MAP4K5: variants seen among roughly 807,000 people sequenced by gnomAD.
MAP4K5 encodes the protein mitogen-activated protein kinase kinase kinase kinase 5.
In MAP4K5, 82 loss-of-function variants were observed where a neutral mutation model predicts 135.6. The ratio of observed to expected loss-of-function variants is 0.60; its 90% CI spans 0.51 to 0.73. MAP4K5 has a LOEUF of 0.73. MAP4K5 is among the 30% of genes least tolerant of loss of function. The pLI, the probability that MAP4K5 is intolerant of heterozygous loss-of-function variation, is 0.00. For synonymous variants in MAP4K5, 347 were observed against 335.0 expected, an observed-to-expected ratio of 1.04 and a Z score of -0.39; for missense variants, 907 against 1,010.9, an observed-to-expected ratio of 0.90 and a Z score of 1.39.
At chr14:50,516,819 C>T (rs960782499) in intron 2 of MAP4K5, among the ~76,000 whole-genome samples, 14 of 152,170 alleles carry the variant, frequency 9.2e-5, no homozygotes, top group South Asian at 2.1e-4. Flanking sequence ...ACTGACTTAA[C>T]CTACTCCTTC....
intron 28 of MAP4K5, among the ~76,000 whole-genome samples, chr14:50,432,632 G>A (rs2035999038): frequency 6.6e-6 from 1 of 150,456 alleles, no homozygotes; most frequent in Admixed American, 6.6e-5. Context: ...AGGACTCACT[G>A]AACTCTTGCC....
At chr14:50,460,062 A>G (rs1341114346) in intron 13 of MAP4K5, among the ~76,000 whole-genome samples, 5 of 152,022 alleles carry the variant, frequency 3.3e-5, no homozygotes, top group Non-Finnish European at 5.9e-5. Context: ...GCTTTCAAAC[A>G]TGTTATTAAC....
intron 2 of MAP4K5, among the ~76,000 whole-genome samples, chr14:50,519,867 C>T (rs1395543114): frequency 6.6e-6 from 1 of 152,018 alleles, no homozygotes; most frequent in Non-Finnish European, 1.5e-5. Flanking sequence ...TGGTAAAGGA[C>T]CCAAACATCT....
rs943496535 is a variant in MAP4K5, at chr14:50,436,281, G to A, written c.1882+1195C>T. ...TAACCTCACCCAAAAAAGAGGTCTG[G>A]TCTCTGTCCTGCTTCTGGGAGGTAA... On this transcript the variant is annotated intron_variant, in intron 26 of 32. Coordinates refer to ENST00000682126, the MANE Select transcript of MAP4K5 (RefSeq NM_006575.6). Among the ~76,000 whole-genome samples the A allele has an allele frequency of 7.9e-5, 12 of 152,240 alleles. 1 individual carries two copies. The highest frequency in any genetic ancestry group is 7.9e-4 in the Admixed American group (12 of 15,278).
At position 50,485,154 on chromosome 14, in the gene MAP4K5, A is replaced by T. The variant is rs574396741; in HGVS notation, c.322+424T>A. ...ATGAATACTAAATAAAATACTCGAAACTTTAAAACATACATATTAATACAA... is the reference window on the plus strand; with the variant it reads ...ATGAATACTAAATAAAATACTCGAATCTTTAAAACATACATATTAATACAA... On this transcript the variant is annotated intron_variant, in intron 5 of 32. Transcript: ENST00000682126. 3.5e-4 allele frequency among the ~76,000 whole-genome samples: 54 copies of T among 152,280 alleles called. 1 individual carries two copies. The Middle Eastern group carries it at 0.027, about 77-fold the overall frequency.
intron 3 of MAP4K5, among the ~76,000 whole-genome samples, chr14:50,496,178 T>C (rs2037587599): frequency 6.6e-6 from 1 of 151,430 alleles, no homozygotes; most frequent in African/African-American, 2.4e-5. Context: ...CATAAAAAAT[T>C]AGTCGGGTGT....
Position 50,532,395 on chromosome 14 carries a change from C to G in MAP4K5, c.-110+53G>C, listed in dbSNP as rs4901042. The G allele has an allele frequency of 0.96, 222,047 of 231,832 alleles. 107,070 individuals carry two copies. The highest frequency in any genetic ancestry group is 1 in the East Asian group (9,514 of 9,514). The allele number at this position is 231,832 out of a possible 1,614,324, so 14.4% of individuals were successfully genotyped here. A position where few individuals can be genotyped will look rare whatever the true frequency, so the allele number is the denominator to read the frequency against. The stretch of plus-strand genomic sequence containing the variant: ...GCCAGCCGGGGCCCAGGGCCGGCTC[C>G]GTACCTAATGGGGGCGGCCCCGTCT... On this transcript the variant is annotated intron_variant, in intron 1 of 32. Coordinates refer to ENST00000682126, the MANE Select transcript of MAP4K5 (RefSeq NM_006575.6).
intron 3 of MAP4K5, among the ~76,000 whole-genome samples, chr14:50,490,159 G>GTGTGTGTGTGTGTTTGTA (rs71441284): frequency 7.3e-6 from 1 of 137,922 alleles, no homozygotes; most frequent in African/African-American, 2.7e-5. Context: ...GTGTGTGTGT[G>GTGTGTGTGTGTGTTTGTA]TAAGGGAACT....
At position 50,462,777 on chromosome 14, in the gene MAP4K5, G is replaced by C. The variant is rs1209887835; in HGVS notation, c.824C>G (p.Thr275Ser). 6.3e-7 allele frequency: 1 copy of C among 1,599,972 alleles called. No homozygotes were observed. The highest frequency in any genetic ancestry group is 8.6e-7 in the Non-Finnish European group (1 of 1,168,434). Reference protein sequence around the residue: ...RPTAERLLTHTFVAQPGLSRA... With the variant: ...RPTAERLLTHSFVAQPGLSRA... ...AGAGAGACCTGGCTGTGCAACAAAA[G>C]TGTGCTAAAAGACAACAAAATGAAA... Residue 275 changes from threonine (T) to serine (S), a missense_variant, in exon 13 of 33, where the codon ACT (threonine) becomes AGT (serine). Transcript: ENST00000682126.
intron 26 of MAP4K5, among the ~76,000 whole-genome samples, chr14:50,435,565 TCTCA>T (rs1420825983): frequency 2.0e-5 from 3 of 151,068 alleles, no homozygotes; most frequent in African/African-American, 7.3e-5. Context: ...AGAGATGGGG[TCTCA>T]CTATGTTTCC....
intron 3 of MAP4K5, among the ~76,000 whole-genome samples, chr14:50,496,800 A>G (rs2139986424): frequency 1.3e-5 from 2 of 152,092 alleles, no homozygotes; most frequent in South Asian, 4.1e-4. Flanking sequence ...GGTGTGAACC[A>G]CCGCTCCCAG....
intron 1 of MAP4K5, among the ~76,000 whole-genome samples, chr14:50,545,418 G>T (rs1304372858): frequency 6.6e-6 from 1 of 152,170 alleles, no homozygotes; most frequent in Non-Finnish European, 1.5e-5. Context: ...ATTCAGGAAG[G>T]GGTGTCTGCA....
chr14:50,534,947 T>C (rs1381890141), upstream of MAP4K5, among the ~76,000 whole-genome samples: 1 of 152,234 alleles, frequency 6.6e-6, no homozygotes, highest in African/African-American at 2.4e-5. Flanking sequence ...GGTTGAAGTT[T>C]ATGTAATAAT....
Position 50,440,044 on chromosome 14 carries a change from A to G in MAP4K5, c.1674T>C (p.Tyr558=), listed in dbSNP as rs1160862285. Reference sequence around the variant, plus strand: ...ATGACATTAAAGTATTATTGATAACATACAGCCAAGTACACTTCCGTGGAA... The same window carrying G: ...ATGACATTAAAGTATTATTGATAACGTACAGCCAAGTACACTTCCGTGGAA... ...QLFPRKCTWL[Y]VINNTLMSLS... Residue 558 remains tyrosine (Y), a synonymous_variant, in exon 23 of 33, where the codon TAT becomes TAC. Coordinates refer to ENST00000682126, the MANE Select transcript of MAP4K5 (RefSeq NM_006575.6). 1.3e-6 allele frequency: 2 copies of G among 1,550,834 alleles called. No individual in the cohort carries two copies. Among genetic ancestry groups the G allele is most frequent in the African/African-American group, 2.7e-5 (2 of 72,874 alleles).
intron 32 of MAP4K5, among the ~76,000 whole-genome samples, chr14:50,421,074 T>C (rs566613862): frequency 6.6e-6 from 1 of 152,258 alleles, no homozygotes; most frequent in African/African-American, 2.4e-5. Context: ...ATTACTTTAA[T>C]AATGAAAACA....
intron 6 of MAP4K5, among the ~76,000 whole-genome samples, chr14:50,476,945 A>G (rs529801072): frequency 6.6e-6 from 1 of 152,312 alleles, no homozygotes; most frequent in Admixed American, 6.5e-5. Context: ...TCAGGTTTTC[A>G]AAGTTGTCTG....
intron 14 of MAP4K5, chr14:50,450,366 A>G (rs1198926551): frequency 6.6e-6 from 1 of 152,208 alleles, no homozygotes; most frequent in African/African-American, 2.4e-5. Context: ...GAGGCAATGC[A>G]CCACAGACAC....
chr14:50,445,984 T>C (rs2036338564), intron 17 of MAP4K5, 95 bp downstream of exon 17: 1 of 737,286 alleles, frequency 1.4e-6, no homozygotes, highest in Non-Finnish European at 2.1e-6. Flanking sequence ...CTAAAATACA[T>C]TTAAGAAAAT....
chr14:50,431,434 G>C (rs887913483), intron 28 of MAP4K5, among the ~76,000 whole-genome samples: 48 of 151,974 alleles, frequency 3.2e-4, no homozygotes, highest in African/African-American at 1.1e-3. Context: ...CCCAGAGTGT[G>C]ATGTTCCCCT....
Sources: allele counts gnomAD v4.1 joint callset (sites outside exome capture counted in the v4.1 genomes callset), GRCh38; gene constraint gnomAD v4.1.1; transcripts MANE v1.5; gene names NCBI Gene and HGNC (gene_info 2026-07-23, HGNC 2026-07-21).